CACNA1B: variants seen among roughly 807,000 people sequenced by gnomAD.
CACNA1B encodes calcium voltage-gated channel subunit alpha1 B, also known as voltage-dependent N-type calcium channel subunit alpha-1B.
In CACNA1B, 70 loss-of-function variants were observed where a neutral mutation model predicts 247.2. The ratio of observed to expected loss-of-function variants is 0.28; its 90% confidence interval spans 0.23 to 0.35. CACNA1B has a LOEUF of 0.35. CACNA1B is among the 10% of genes least tolerant of loss of function. The pLI is 1.00. For synonymous variants in CACNA1B, 1,231 were observed against 1,294.4 expected, an observed-to-expected ratio of 0.95 and a Z score of 1.05; for missense variants, 2,367 against 3,197.4, an observed-to-expected ratio of 0.74 and a Z score of 6.26.
At chr9:138,092,161 T>G (rs115321709) in intron 36 of CACNA1B, among the ~76,000 whole-genome samples, 1,860 of 152,336 alleles carry the variant, frequency 0.012, 43 homozygotes, top group African/African-American at 0.043. Context: ...ATTGTCTTGA[T>G]AAACATCTTA....
intron 3 of CACNA1B, among the ~76,000 whole-genome samples, chr9:137,894,695 A>G (rs1731770132): frequency 6.6e-6 from 1 of 152,154 alleles, no homozygotes; most frequent in African/African-American, 2.4e-5. Flanking sequence ...GGCATGAGCC[A>G]CCGTGCCTGG....
intron 6 of CACNA1B, among the ~76,000 whole-genome samples, chr9:137,949,264 T>C (rs796220517): frequency 5.7e-3 from 646 of 113,516 alleles, no homozygotes; most frequent in South Asian, 8.6e-3. Flanking sequence ...GTGGTGCGTG[T>C]GTGTGTCTGG....
At chr9:138,024,652 A>C (rs754492780) in intron 19 of CACNA1B, among the ~76,000 whole-genome samples, 83 of 152,192 alleles carry the variant, frequency 5.5e-4, no homozygotes, top group Non-Finnish European at 1.0e-3. Flanking sequence ...ATTATTGGAG[A>C]CAGGACCGCA....
chr9:138,061,933 C>T (rs571964483), intron 31 of CACNA1B, among the ~76,000 whole-genome samples: 6 of 152,320 alleles, frequency 3.9e-5, no homozygotes, highest in East Asian at 1.9e-4. Flanking sequence ...CTCTTGGCCA[C>T]GATGGTCACC....
rs76637266 is a variant in CACNA1B, at chr9:137,991,007, C to G, written c.1974+4153C>G. ...ATGAGAAGGAACCAGGAAAACAATT[C>G]TGGTAATATGACAAAACAAGGTTCT... On this transcript the variant is annotated intron_variant, in intron 15 of 46. Coordinates refer to ENST00000371372, the MANE Select transcript of CACNA1B (RefSeq NM_000718.4). 2.8e-3 allele frequency among the ~76,000 whole-genome samples: 429 copies of G among 152,280 alleles called. 6 individuals carry two copies. The East Asian group carries it at 0.043, about 15-fold the overall frequency.
chr9:137,914,273 T>C lies in CACNA1B; in HGVS notation c.623-381T>C, dbSNP rs1957387846. ...CTTTCCTCTCAGGATGTCCTCTGAC[T>C]TGGCTCTTCCTTCTCAGGATTTCAT... On this transcript the variant is annotated intron_variant, in intron 4 of 46. Transcript: ENST00000371372. This position sits in a 1 kb window ranked among gnomAD's most constrained non-coding sequence, Gnocchi z 4.3. Among the ~76,000 whole-genome samples, 1 of 152,138 alleles carries C rather than the reference T, an allele frequency of 6.6e-6. No homozygotes were observed.
chr9:137,923,407 G>A (rs1050717161), intron 6 of CACNA1B, among the ~76,000 whole-genome samples: 2 of 149,266 alleles, frequency 1.3e-5, no homozygotes, highest in Non-Finnish European at 3.0e-5. Context: ...GTGGTGCCAG[G>A]TAGTATTCCA....
chr9:137,943,460 C>T (rs146130360), intron 6 of CACNA1B, among the ~76,000 whole-genome samples: 1 of 152,124 alleles, frequency 6.6e-6, no homozygotes, highest in Non-Finnish European at 1.5e-5. Context: ...TTGAGGTAAC[C>T]CAAACTCGGG....
rs1347130182 is a variant in CACNA1B at position 137,955,158 on chromosome 9, T to C, written c.1071-540T>C. 1.3e-5 allele frequency among the ~76,000 whole-genome samples: 2 copies of C among 152,144 alleles called. No individual in the cohort carries two copies. Among genetic ancestry groups the C allele is most frequent in the African/African-American group, 2.4e-5 (1 of 41,440 alleles). On this transcript the variant is annotated intron_variant, in intron 7 of 46. Coordinates refer to ENST00000371372, the MANE Select transcript of CACNA1B (RefSeq NM_000718.4). This position sits in a 1 kb window ranked among gnomAD's most constrained non-coding sequence, Gnocchi z 6.9. ...TACGTGGACTCTGCGGTATTACCCT[T>C]CTGCCTCTGGCCTGCCCTGACCCAG... is the stretch of plus-strand genomic sequence containing the variant.
At chr9:137,915,246 C>T (rs1564887401) in intron 5 of CACNA1B, among the ~76,000 whole-genome samples, 1 of 152,186 alleles carries the variant, frequency 6.6e-6, no homozygotes, top group African/African-American at 2.4e-5. Context: ...CTTCATGGCC[C>T]TGTCTTATTC....
chr9:137,949,235 GTATGCA>G (rs1345483354), intron 6 of CACNA1B, among the ~76,000 whole-genome samples: 18 of 43,500 alleles, frequency 4.1e-4, no homozygotes, highest in South Asian at 7.6e-4. Flanking sequence ...TGTGTGTGGT[GTATGCA>G]TGTGTGTGGT....
At chr9:137,968,624 T>A (rs553214915) in intron 10 of CACNA1B, among the ~76,000 whole-genome samples, 2 of 152,342 alleles carry the variant, frequency 1.3e-5, no homozygotes, top group South Asian at 4.1e-4. Context: ...CCCACTGTCC[T>A]CTAGAAGGGT....
At chr9:137,976,384 T>C (rs1187915540) in intron 12 of CACNA1B, among the ~76,000 whole-genome samples, 1 of 152,248 alleles carries the variant, frequency 6.6e-6, no homozygotes, top group Admixed American at 6.5e-5. Flanking sequence ...GCTCTGGCCC[T>C]GGGCAGGCTT....
At chr9:137,923,098 G>A (rs1957505863) in intron 6 of CACNA1B, among the ~76,000 whole-genome samples, 1 of 152,214 alleles carries the variant, frequency 6.6e-6, no homozygotes, top group Non-Finnish European at 1.5e-5. Context: ...TCACCCAGGT[G>A]TTGGTAGCAT....
chr9:138,087,384 C>CAAAAAAA (rs58566171), intron 36 of CACNA1B, among the ~76,000 whole-genome samples: 35 of 52,274 alleles, frequency 6.7e-4, no homozygotes, highest in African/African-American at 1.3e-3. Context: ...GACTCTGTCT[C>CAAAAAAA]AAAAAAAAAA....
intron 3 of CACNA1B, among the ~76,000 whole-genome samples, chr9:137,907,116 G>A (rs755185963): frequency 2.0e-4 from 31 of 152,272 alleles, no homozygotes; most frequent in East Asian, 7.7e-4. Flanking sequence ...ATGATGTAGC[G>A]TGTGAGTGTG....
At position 138,122,300 on chromosome 9, in the gene CACNA1B, G is replaced by A. The variant is rs200584960; in HGVS notation, c.*301G>A. Reference sequence around the variant, plus strand: ...AGAAGGACCCAGGAGTCCAAATCCCGTGTCCTGGGACTCAGCATCCAGCAT... The same window carrying A: ...AGAAGGACCCAGGAGTCCAAATCCCATGTCCTGGGACTCAGCATCCAGCAT... On this transcript the variant is annotated 3_prime_UTR_variant, in exon 47 of 47. Coordinates refer to ENST00000371372, the MANE Select transcript of CACNA1B (RefSeq NM_000718.4). 1.2e-4 allele frequency: 54 copies of A among 447,232 alleles called. No individual in the cohort carries two copies. Among genetic ancestry groups the A allele is most frequent in the African/African-American group, 5.3e-4 (27 of 51,110 alleles). The allele number at this position is 447,232 out of a possible 1,614,324, so 27.7% of individuals were successfully genotyped here. A position where few individuals can be genotyped will look rare whatever the true frequency, so the allele number is the denominator to read the frequency against.
chr9:137,981,556 A>G (rs1958293866), intron 12 of CACNA1B, among the ~76,000 whole-genome samples: 1 of 152,190 alleles, frequency 6.6e-6, no homozygotes, highest in African/African-American at 2.4e-5. Flanking sequence ...GGCTCACTGC[A>G]ACCTCTGCCT....
At position 137,955,754 on chromosome 9, in the gene CACNA1B, G is replaced by A. The variant is rs1258883145; in HGVS notation, c.1127G>A (p.Arg376His). Residue 376 changes from arginine (R) to histidine (H), a missense_variant, in exon 8 of 47, where the codon CGC becomes CAC. Around this residue, in one of 12 missense-constraint regions of CACNA1B, gnomAD observed 219 missense variants for 297.6 expected, o/e 0.74. Coordinates refer to ENST00000371372, the MANE Select transcript of CACNA1B (RefSeq NM_000718.4). This position sits in a 1 kb window ranked among gnomAD's most constrained non-coding sequence, Gnocchi z 6.9. ...AACCGCCGCGCCTTCCTGAAGCTGC[G>A]CCGGCAGCAGCAGATCGAGCGAGAG... ...VENRRAFLKL[R>H]RQQQIERELN... 1.9e-6 allele frequency: 3 copies of A among 1,613,028 alleles called. No homozygotes were observed. Among genetic ancestry groups the A allele is most frequent in the Non-Finnish European group, 2.5e-6 (3 of 1,179,538 alleles).
Sources: gnomAD v4.1 joint callset for allele counts (sites outside exome capture counted in the v4.1 genomes callset) on GRCh38, gnomAD v4.1.1 for gene constraint, gnomAD v4.1.1 regional missense constraint, Gnocchi (gnomAD v3.1) non-coding constraint, MANE v1.5 for transcripts, NCBI Gene and HGNC (gene_info 2026-07-23, HGNC 2026-07-21) for gene names.